MASP2: variants seen among roughly 807,000 people sequenced by gnomAD.
The protein encoded by MASP2 is MBL associated serine protease 2, also known as mannan-binding lectin serine protease 2.
MASP2 carries 49 observed loss-of-function variants against 57.1 expected under a neutral mutation model. The ratio of observed to expected loss-of-function variants is 0.86; its 90% CI spans 0.68 to 1.09. The LOEUF (loss-of-function observed/expected upper bound fraction) is 1.09, where lower values mean the gene tolerates loss of function less well. MASP2 is among the 50% of genes least tolerant of loss of function. The pLI, the probability that MASP2 is intolerant of heterozygous loss-of-function variation, is 0.00. For synonymous variants in MASP2, 379 were observed against 340.8 expected, an observed-to-expected ratio of 1.11 and a Z score of -1.24; for missense variants, 900 against 874.8, an observed-to-expected ratio of 1.03 and a Z score of -0.36.
chr1:11,037,138 C>T (rs959362741), intron 7 of MASP2, among the ~76,000 whole-genome samples: 12 of 152,256 alleles, frequency 7.9e-5, no homozygotes, highest in African/African-American at 2.4e-4. Context: ...CCGCAACCTG[C>T]GCCTCCCAGG....
Position 11,045,341 on chromosome 1 carries a change from C to CA in MASP2, c.544+66dup, listed in dbSNP as rs748087939. On this transcript the variant is annotated intron_variant, in intron 4 of 10. Coordinates refer to ENST00000400897, the MANE Select transcript of MASP2 (RefSeq NM_006610.4). Reference sequence around the variant, plus strand: ...CCCTCCGCACCCCTGGGCAGAGCAGCAATGGCCCTGAGGAGCCCCGGGTAT... The same window carrying CA: ...CCCTCCGCACCCCTGGGCAGAGCAGCAAATGGCCCTGAGGAGCCCCGGGTAT... The CA allele has an allele frequency of 6.2e-6, 10 of 1,606,990 alleles. No individual in the cohort carries two copies. The East Asian group carries it at 2.0e-4, about 32-fold the overall frequency.
chr1:11,044,840 T>C, intron 4 of MASP2: 2 of 1,477,956 alleles, frequency 1.4e-6, no homozygotes, highest in East Asian at 2.8e-5. Context: ...GGTGGGTGAA[T>C]GGGAGTTGGG....
intron 8 of MASP2, among the ~76,000 whole-genome samples, chr1:11,031,603 T>C (rs1570739098): frequency 6.7e-6 from 1 of 149,696 alleles, no homozygotes; most frequent in South Asian, 2.1e-4. Context: ...GGTTGCAATT[T>C]AGAAGGCAGT....
Position 11,026,871 on chromosome 1 carries a change from T to G in MASP2, c.*14A>C, listed in dbSNP as rs1334741755. ...TTTCTAAAAATGAAGAATCCTTGAC[T>G]GCAGACACGCAAGTTAAAAATCACT... On this transcript the variant is annotated 3_prime_UTR_variant, in exon 11 of 11. Coordinates refer to ENST00000400897, the MANE Select transcript of MASP2 (RefSeq NM_006610.4). 2 of 1,473,730 alleles carry G rather than the reference T, an allele frequency of 1.4e-6. No homozygotes were observed. The highest frequency in any genetic ancestry group is 9.0e-7 in the Non-Finnish European group (1 of 1,114,262). The allele number at this position is 1,473,730 out of a possible 1,614,324, so 91.3% of individuals were successfully genotyped here.
chr1:11,044,616 C>T (rs1440379026), intron 4 of MASP2, among the ~76,000 whole-genome samples: 2 of 152,170 alleles, frequency 1.3e-5, no homozygotes, highest in Non-Finnish European at 2.9e-5. Context: ...CGAGCGAGGC[C>T]TTGCCCCTCT....
At chr1:11,032,127 T>C (rs1040375207) in intron 8 of MASP2, among the ~76,000 whole-genome samples, 1 of 151,808 alleles carries the variant, frequency 6.6e-6, no homozygotes, top group African/African-American at 2.4e-5. Context: ...TCCAAGCTAC[T>C]GAGGAGGCTG....
rs1049780987 is a variant in MASP2, at chr1:11,027,003, A to G, written c.1943T>C (p.Phe648Ser). The G allele has an allele frequency of 4.4e-6, 7 of 1,598,538 alleles. No individual in the cohort carries two copies. The highest frequency in any genetic ancestry group is 2.3e-5 in the South Asian group (2 of 88,468). Residue 648 changes from phenylalanine (F) to serine (S), a missense_variant, in exon 11 of 11, where the codon TTT (phenylalanine) becomes TCT (serine). Transcript: ENST00000400897. ...ACCCCAGGACACTATTCCTCCCACA[A>G]ACCACCTCTCTGTTTCACTATCTAG... is the stretch of plus-strand genomic sequence containing the variant. ...VFLDSETERWFVGGIVSWGSM... is the reference protein window; with the variant it reads ...VFLDSETERWSVGGIVSWGSM...
intron 3 of MASP2, chr1:11,046,278 G>T: frequency 2.0e-6 from 1 of 498,318 alleles, no homozygotes; most frequent in South Asian, 2.1e-5. Flanking sequence ...CTCCCAAAGT[G>T]CTGGAATTAC....
rs1319039936 is a variant in MASP2, at chr1:11,037,772, T to C, written c.929A>G (p.His310Arg). 6.2e-7 allele frequency: 1 copy of C among 1,613,008 alleles called. No individual in the cohort carries two copies. Among genetic ancestry groups the C allele is most frequent in the Non-Finnish European group, 8.5e-7 (1 of 1,179,658 alleles). Residue 310 changes from histidine (H) to arginine (R), a missense_variant, in exon 7 of 11, where the codon CAC becomes CGC. Physicochemically the swap from His to Arg is conservative, Grantham distance 29 (BLOSUM62 0). Coordinates refer to ENST00000400897, the MANE Select transcript of MASP2 (RefSeq NM_006610.4). ...GTATTTGGCTTGCACAGGTGAAACGTGGCCATTAGGTGGCGCCATCGGATA... is the reference window on the plus strand; with the variant it reads ...GTATTTGGCTTGCACAGGTGAAACGCGGCCATTAGGTGGCGCCATCGGATA... ...CPYPMAPPNG[H>R]VSPVQAKYIL... is the part of the protein sequence containing the mutation.
intron 8 of MASP2, among the ~76,000 whole-genome samples, chr1:11,032,608 C>CAA (rs36074066): frequency 0.038 from 3,999 of 106,004 alleles, 251 homozygotes; most frequent in African/African-American, 0.13. Context: ...GAGACCCCGT[C>CAA]AAAAAAAAAA....
intron 10 of MASP2, chr1:11,029,518 ATTGC>A (rs1271778608): frequency 6.6e-6 from 1 of 151,920 alleles, no homozygotes; most frequent in African/African-American, 2.4e-5. Flanking sequence ...GTTGAAAACA[ATTGC>A]TTGGGGAAAT....
At position 11,034,846 on chromosome 1, in the gene MASP2, G is replaced by T. The variant is rs1253419371; in HGVS notation, c.1069C>A (p.Pro357Thr). ...ACCGTACTGCTGCACGCGGGCATTG[G>T]CCGGTCCCAAGATCCATCTTTCTGA... ...VCQKDGSWDR[P>T]MPACSIVDCG... Residue 357 changes from proline (P) to threonine (T), a missense_variant, in exon 8 of 11, where the codon CCA (proline) becomes ACA (threonine). Coordinates refer to ENST00000400897, the MANE Select transcript of MASP2 (RefSeq NM_006610.4). 11 of 1,612,584 alleles carry T rather than the reference G, an allele frequency of 6.8e-6. No individual in the cohort carries two copies. The highest frequency in any genetic ancestry group is 9.3e-6 in the Non-Finnish European group (11 of 1,179,428).
At chr1:11,035,620 C>T (rs1028611761) in intron 7 of MASP2, among the ~76,000 whole-genome samples, 5 of 151,510 alleles carry the variant, frequency 3.3e-5, no homozygotes, top group South Asian at 2.1e-4. Context: ...GAGGACCAGG[C>T]GCAGTGGTTC....
intron 8 of MASP2, among the ~76,000 whole-genome samples, chr1:11,033,254 G>A (rs1643866012): frequency 2.0e-5 from 3 of 152,002 alleles, no homozygotes; most frequent in Non-Finnish European, 4.4e-5. Flanking sequence ...CTTGAACCTG[G>A]GAGGCAGAGG....
Position 11,030,884 on chromosome 1 carries a change from TAAGA to T in MASP2, c.1088-6_1088-3del, listed in dbSNP as rs756251793. ...CATCAGGAGGGCCACAGTCAACAAC[TAAGA>T]AAGAAGCATGGGAGGGAGGAATCCA... On this transcript the variant is annotated splice_polypyrimidine_tract_variant and splice_region_variant and intron_variant, in intron 8 of 10. Transcript: ENST00000400897. 12 of 1,611,240 alleles carry T rather than the reference TAAGA, an allele frequency of 7.4e-6. No individual in the cohort carries two copies. Among genetic ancestry groups the T allele is most frequent in the South Asian group, 3.3e-5 (3 of 90,726 alleles).
Position 11,030,249 on chromosome 1 carries a change from A to G in MASP2, c.1224T>C (p.Gly408=), listed in dbSNP as rs747256550. 3 of 1,611,880 alleles carry G rather than the reference A, an allele frequency of 1.9e-6. No individual in the cohort carries two copies. Among genetic ancestry groups the G allele is most frequent in the East Asian group, 2.2e-5 (1 of 44,840 alleles). The change falls in exon 10 of 11, where the codon GGT becomes GGC. Residue 408 remains glycine, a splice_region_variant and synonymous_variant. Transcript: ENST00000400897. ...ETFYTMKVND[G]KYVCEADGFW... ...ATCCATCAGCCTCACACACATATTT[A>G]CCTGCAAATCATTGGAAAAGCAAAA...
At chr1:11,038,380 G>A (rs369116971) in intron 6 of MASP2, among the ~76,000 whole-genome samples, 3 of 152,276 alleles carry the variant, frequency 2.0e-5, no homozygotes, top group East Asian at 3.9e-4. Flanking sequence ...AGCCCCATAG[G>A]ACAGCTGTTA....
Position 11,043,473 on chromosome 1 carries a change from G to A in MASP2, c.607C>T (p.Arg203Trp), listed in dbSNP as rs373318594. 260 of 1,609,852 alleles carry A rather than the reference G, an allele frequency of 1.6e-4. No individual in the cohort carries two copies. Among genetic ancestry groups the A allele is most frequent in the Middle Eastern group, 3.3e-4 (2 of 5,982 alleles). The change falls in exon 5 of 11, where the codon CGG (arginine) becomes TGG (tryptophan). Residue 203 changes from arginine (R) to tryptophan (W), a missense_variant. By Grantham distance (101) the Arg-to-Trp change is moderately radical. Coordinates refer to ENST00000400897, the MANE Select transcript of MASP2 (RefSeq NM_006610.4). ...CAACTGGAGAGTTTGGGATACGGCCGTGGGTATTCAGGGCTGCTGAGCTCC... is the reference window on the plus strand; with the variant it reads ...CAACTGGAGAGTTTGGGATACGGCCATGGGTATTCAGGGCTGCTGAGCTCC... ...SGELSSPEYP[R>W]PYPKLSSCTY...
In MASP2 at chr1:11,034,821, A is replaced by T; in HGVS notation, c.1087+7T>A. 8 of 1,608,522 alleles carry T rather than the reference A, an allele frequency of 5.0e-6. No individual in the cohort carries two copies. The highest frequency in any genetic ancestry group is 6.8e-6 in the Non-Finnish European group (8 of 1,177,232). On this transcript the variant is annotated splice_region_variant and intron_variant, in intron 8 of 10. Coordinates refer to ENST00000400897, the MANE Select transcript of MASP2 (RefSeq NM_006610.4). ...TTATGGGGCCTGTAGTCACCACACG[A>T]CCGTACTGCTGCACGCGGGCATTGG...
Sources: gnomAD v4.1 joint callset for allele counts (sites outside exome capture counted in the v4.1 genomes callset) on GRCh38, gnomAD v4.1.1 for gene constraint, MANE v1.5 for transcripts, NCBI Gene and HGNC (gene_info 2026-07-23, HGNC 2026-07-21) for gene names.